The following PPARD variants were observed in gnomAD, a reference collection of about 807,000 sequenced individuals.
PPARD encodes the protein peroxisome proliferator activated receptor delta, also known as peroxisome proliferator-activated receptor delta.
PPARD carries 6 observed loss-of-function variants against 39.5 expected under a neutral mutation model. The ratio of observed to expected loss-of-function variants is 0.15; its 90% CI spans 0.08 to 0.30. PPARD has a LOEUF of 0.30. PPARD is among the 10% of genes least tolerant of loss of function. PPARD has a pLI of 1.00. For synonymous variants in PPARD, 210 were observed against 231.3 expected, an observed-to-expected ratio of 0.91 and a Z score of 0.83; for missense variants, 397 against 596.8, an observed-to-expected ratio of 0.67 and a Z score of 3.49.
chr6:35,358,502 G>A (rs1761746264), intron 2 of PPARD, among the ~76,000 whole-genome samples: 2 of 152,186 alleles, frequency 1.3e-5, no homozygotes, highest in Non-Finnish European at 2.9e-5. Flanking sequence ...CTGCCTCCAG[G>A]TACAAGTGGT....
In PPARD at chr6:35,422,805, G is replaced by A. The variant is rs138840573; in HGVS notation, c.424+847G>A. Among the ~76,000 whole-genome samples the A allele has an allele frequency of 1.2e-4, 19 of 152,224 alleles. No individual in the cohort carries two copies. In the East Asian group the frequency reaches 3.3e-3, roughly 26 times the overall value. On this transcript the variant is annotated intron_variant, in intron 5 of 7. Coordinates refer to ENST00000360694, the MANE Select transcript of PPARD (RefSeq NM_006238.5). ...GCTAACTCCAGGAGAAGTCGAATTC[G>A]TATCCTACTCAATTACTAATGACAA...
rs548380358 is a variant in PPARD, at chr6:35,386,870, T to C, written c.-101-24117T>C. ...CCCTGTCTTGTGCTGTGTGGGACCC[T>C]TAGTGCTGTGAAGACTAGCAGCACC... On this transcript the variant is annotated intron_variant, in intron 2 of 7. Transcript: ENST00000360694. Among the ~76,000 whole-genome samples the C allele has an allele frequency of 5.4e-4, 82 of 152,166 alleles. 1 individual carries two copies. Among genetic ancestry groups the C allele is most frequent in the African/African-American group, 1.9e-3 (80 of 41,526 alleles).
chr6:35,373,425 C>T (rs1206945734), intron 2 of PPARD, among the ~76,000 whole-genome samples: 1 of 152,168 alleles, frequency 6.6e-6, no homozygotes. Flanking sequence ...CCACAAGCCA[C>T]TGGACACGCA....
chr6:35,397,335 C>G (rs545336187), intron 2 of PPARD, among the ~76,000 whole-genome samples: 9 of 152,120 alleles, frequency 5.9e-5, no homozygotes, highest in African/African-American at 2.2e-4. Context: ...ATGAAGCCCC[C>G]CCTCCCGCAA....
At chr6:35,390,103 G>C (rs928310353) in intron 2 of PPARD, among the ~76,000 whole-genome samples, 2 of 152,200 alleles carry the variant, frequency 1.3e-5, no homozygotes, top group Admixed American at 1.3e-4. Flanking sequence ...TGTGTTCTCG[G>C]CTGCGTTGCC....
chr6:35,386,566 C>T (rs1581600319), intron 2 of PPARD, among the ~76,000 whole-genome samples: 2 of 151,984 alleles, frequency 1.3e-5, no homozygotes, highest in African/African-American at 2.4e-5. Flanking sequence ...TTGGAGATGA[C>T]GGAATAACTT....
In PPARD at chr6:35,393,488, C is replaced by T. The variant is rs973814275; in HGVS notation, c.-101-17499C>T. ...CCCAAGTGTCATCAATAAGTCACTC[C>T]GGTTCTGGCATTTCCCTATCTTATC... On this transcript the variant is annotated intron_variant, in intron 2 of 7. Coordinates refer to ENST00000360694, the MANE Select transcript of PPARD (RefSeq NM_006238.5). Among the ~76,000 whole-genome samples, 14 of 152,272 alleles carry T rather than the reference C, an allele frequency of 9.2e-5. No individual in the cohort carries two copies. The Middle Eastern group carries it at 0.01, about 111-fold the overall frequency.
chr6:35,380,459 G>T (rs1381223381), intron 2 of PPARD, among the ~76,000 whole-genome samples: 5 of 97,108 alleles, frequency 5.1e-5, no homozygotes, highest in African/African-American at 1.0e-4. Flanking sequence ...TTAACCTCGT[G>T]TTTTTTTTTT....
At chr6:35,376,004 T>G (rs1367135853) in intron 2 of PPARD, among the ~76,000 whole-genome samples, 1 of 152,250 alleles carries the variant, frequency 6.6e-6, no homozygotes, top group African/African-American at 2.4e-5. Context: ...GTATATATGC[T>G]TTTGTTTGGA....
chr6:35,395,733 C>T (rs1215982757), intron 2 of PPARD, among the ~76,000 whole-genome samples: 1 of 152,156 alleles, frequency 6.6e-6, no homozygotes, highest in Non-Finnish European at 1.5e-5. Flanking sequence ...CATTAGAGTT[C>T]AGGAATAGTA....
At chr6:35,381,922 A>C (rs560468538) in intron 2 of PPARD, among the ~76,000 whole-genome samples, 2 of 152,368 alleles carry the variant, frequency 1.3e-5, no homozygotes, top group Non-Finnish European at 2.9e-5. Flanking sequence ...AGTACAGTAC[A>C]CAGGATGGGT....
At chr6:35,384,132 G>A (rs1763385339) in intron 2 of PPARD, among the ~76,000 whole-genome samples, 1 of 143,116 alleles carries the variant, frequency 7.0e-6, no homozygotes, top group African/African-American at 2.6e-5. Context: ...TCCGGGAGGT[G>A]AGGGGCGCCT....
intron 2 of PPARD, among the ~76,000 whole-genome samples, chr6:35,377,521 T>G (rs1292596551): frequency 6.6e-6 from 1 of 152,246 alleles, no homozygotes; most frequent in African/African-American, 2.4e-5. Flanking sequence ...CTGTAATGTT[T>G]AAAAGCACAG....
At chr6:35,372,433 C>T (rs1369512280) in intron 2 of PPARD, among the ~76,000 whole-genome samples, 1 of 152,226 alleles carries the variant, frequency 6.6e-6, no homozygotes, top group Non-Finnish European at 1.5e-5. Context: ...CCCACCTTGG[C>T]TTCCCAAAGT....
chr6:35,385,111 G>A (rs1242944341), intron 2 of PPARD, among the ~76,000 whole-genome samples: 6 of 145,850 alleles, frequency 4.1e-5, no homozygotes, highest in Non-Finnish European at 6.0e-5. Context: ...CCCTCTGCCC[G>A]GCCACCACCC....
chr6:35,396,686 T>C (rs962613915), intron 2 of PPARD, among the ~76,000 whole-genome samples: 6 of 151,716 alleles, frequency 4.0e-5, no homozygotes, highest in Non-Finnish European at 8.8e-5. Flanking sequence ...AAAAATTAGC[T>C]GGGCGTGGTA....
intron 2 of PPARD, 25 bp from the exon 3 acceptor site, chr6:35,410,962 T>C: frequency 7.9e-7 from 1 of 1,263,506 alleles, no homozygotes; most frequent in Non-Finnish European, 1.0e-6. Flanking sequence ...TCCCCTGACC[T>C]CTTCCTGTCT....
chr6:35,424,881 A>G lies in PPARD; in HGVS notation c.1078+102A>G. The G allele has an allele frequency of 6.7e-7, 1 of 1,498,320 alleles. No homozygotes were observed. Among genetic ancestry groups the G allele is most frequent in the Non-Finnish European group, 8.9e-7 (1 of 1,126,238 alleles). The allele number at this position is 1,498,320 out of a possible 1,614,324, so 92.8% of individuals were successfully genotyped here. ...GTGCCTGAGCTCTGACAGTGTGGGG[A>G]AGTGTCCCTGTGATCTTGGCAGTGG... On this transcript the variant is annotated intron_variant, in intron 7 of 7. Coordinates refer to ENST00000360694, the MANE Select transcript of PPARD (RefSeq NM_006238.5). This position sits in a 1 kb window ranked among gnomAD's most constrained non-coding sequence, Gnocchi z 7.1.
intron 2 of PPARD, among the ~76,000 whole-genome samples, chr6:35,384,862 C>T (rs1763494189): frequency 9.8e-6 from 1 of 101,674 alleles, no homozygotes; most frequent in East Asian, 2.9e-4. Context: ...GCCTGGCCAG[C>T]CGCCCCGTCT....
Sources: allele counts gnomAD v4.1 joint callset (sites outside exome capture counted in the v4.1 genomes callset), GRCh38; gene constraint gnomAD v4.1.1; non-coding constraint Gnocchi (gnomAD v3.1); transcripts MANE v1.5; gene names NCBI Gene and HGNC (gene_info 2026-07-23, HGNC 2026-07-21).